Variants in CAMSAP2 observed in about 807,000 individuals in gnomAD.
CAMSAP2 encodes calmodulin-regulated spectrin-associated protein 2.
A neutral mutation model predicts 146.1 loss-of-function variants in CAMSAP2; 26 were observed. The ratio of observed to expected loss-of-function variants is 0.18; its 90% CI spans 0.13 to 0.25. The LOEUF (loss-of-function observed/expected upper bound fraction) is 0.25, where lower values mean the gene tolerates loss of function less well. CAMSAP2 is among the 10% of genes least tolerant of loss of function. CAMSAP2 has a pLI of 1.00. For synonymous variants in CAMSAP2, 499 were observed against 596.6 expected (o/e 0.84, Z 2.38); for missense variants, 1,381 against 1,759.3 (o/e 0.78, Z 3.85).
At chr1:200,829,108 T>A (rs1460157385) in intron 4 of CAMSAP2, among the ~76,000 whole-genome samples, 1 of 152,162 alleles carries the variant, frequency 6.6e-6, no homozygotes, top group Non-Finnish European at 1.5e-5. Flanking sequence ...TGAGCCGAGA[T>A]CGCGCCATTG....
chr1:200,749,119 G>T (rs1324768284), intron 1 of CAMSAP2, among the ~76,000 whole-genome samples: 1 of 152,158 alleles, frequency 6.6e-6, no homozygotes, highest in East Asian at 1.9e-4. Flanking sequence ...AGGGAGGAAG[G>T]ACCACACTCC....
chr1:200,850,140 A>G lies in CAMSAP2; in HGVS notation c.3371A>G (p.Glu1124Gly), dbSNP rs1365113425. 1.2e-6 allele frequency: 2 copies of G among 1,613,760 alleles called. No homozygotes were observed. Among genetic ancestry groups the G allele is most frequent in the Non-Finnish European group, 1.7e-6 (2 of 1,179,900 alleles). The change falls in exon 11 of 17, where the codon GAA (glutamate) becomes GGA (glycine). Residue 1124 changes from glutamate (E) to glycine (G), a missense_variant. Coordinates refer to ENST00000358823, the MANE Select transcript of CAMSAP2 (RefSeq NM_203459.4). ...EVSLSDLKPP[E>G]KADVPVEKYD... ...TCCCTCTCAGATTTGAAACCCCCTG[A>G]AAAGGCTGATGTACCTGTTGAAAAA...
At chr1:200,773,477 G>A (rs570699993) in intron 2 of CAMSAP2, among the ~76,000 whole-genome samples, 1 of 152,106 alleles carries the variant, frequency 6.6e-6, no homozygotes, top group East Asian at 1.9e-4. Context: ...GGCTGGTCTC[G>A]AACTCCTGAC....
At position 200,786,391 on chromosome 1, in the gene CAMSAP2, T is replaced by C. The variant is rs370261415; in HGVS notation, c.400-20985T>C. Among the ~76,000 whole-genome samples, 5 of 152,138 alleles carry C rather than the reference T, an allele frequency of 3.3e-5. 1 individual carries two copies. In the East Asian group the frequency reaches 7.7e-4, roughly 23 times the overall value. On this transcript the variant is annotated intron_variant, in intron 2 of 16. Coordinates refer to ENST00000358823, the MANE Select transcript of CAMSAP2 (RefSeq NM_203459.4). ...AAGCCATAAATTGCTTTCTTTTTTT[T>C]TTTTTTCTTTGAGATGGAGTCTTGC...
At position 200,860,554 on chromosome 1, in the gene CAMSAP2, A is replaced by AGT. The variant is rs1558215583; in HGVS notation, c.*2498_*2499dup. On this transcript the variant is annotated 3_prime_UTR_variant, in exon 17 of 17. Transcript: ENST00000358823. Reference sequence around the variant, plus strand: ...TCATGGACACTGTTGAGCAATGTACAGTGTATGGTGTGCTTACCTGTCCAC... The same window carrying AGT: ...TCATGGACACTGTTGAGCAATGTACAGTGTGTATGGTGTGCTTACCTGTCCAC... 1 of 152,448 alleles carries AGT rather than the reference A, an allele frequency of 6.6e-6. No individual in the cohort carries two copies. The highest frequency in any genetic ancestry group is 1.9e-4 in the East Asian group (1 of 5,326). 9.4% of individuals were successfully genotyped at this position (152,448 alleles called of 1,614,324 possible).
chr1:200,807,333 A>G, intron 2 of CAMSAP2, 43 bp from the exon 3 acceptor site: 1 of 1,386,846 alleles, frequency 7.2e-7, no homozygotes, highest in Admixed American at 2.6e-5. Flanking sequence ...AGCAATTTCT[A>G]AATATAATTT....
intron 3 of CAMSAP2, among the ~76,000 whole-genome samples, chr1:200,814,953 A>G (rs1342249770): frequency 6.6e-6 from 1 of 151,842 alleles, no homozygotes; most frequent in Non-Finnish European, 1.5e-5. Context: ...TAATTTATGC[A>G]CCATGTAGAC....
chr1:200,779,389 A>G (rs142267785), intron 2 of CAMSAP2, among the ~76,000 whole-genome samples: 3 of 152,260 alleles, frequency 2.0e-5, no homozygotes, highest in African/African-American at 4.8e-5. Context: ...GAGAGAAAGG[A>G]ATTGGAGTGG....
intron 4 of CAMSAP2, among the ~76,000 whole-genome samples, chr1:200,818,164 A>G (rs1011467073): frequency 6.6e-6 from 1 of 152,232 alleles, no homozygotes; most frequent in Non-Finnish European, 1.5e-5. Context: ...TGTATTATAT[A>G]TAATGGTTAA....
chr1:200,825,289 A>G (rs889566842), intron 4 of CAMSAP2, among the ~76,000 whole-genome samples: 1 of 152,124 alleles, frequency 6.6e-6, no homozygotes, highest in Non-Finnish European at 1.5e-5. Context: ...AGAAGTATCA[A>G]TCCCTCCCCT....
chr1:200,797,514 G>C, intron 2 of CAMSAP2, among the ~76,000 whole-genome samples: 1 of 114,350 alleles, frequency 8.7e-6, no homozygotes, highest in Admixed American at 9.9e-5. Flanking sequence ...TTTTTGATGG[G>C]GTTGTTTGTT....
rs539621728 is a variant in CAMSAP2, at chr1:200,827,768, A to G, written c.646-4432A>G. 1.6e-4 allele frequency among the ~76,000 whole-genome samples: 25 copies of G among 152,288 alleles called. No individual in the cohort carries two copies. The South Asian group carries it at 2.1e-3, about 13-fold the overall frequency. On this transcript the variant is annotated intron_variant, in intron 4 of 16. Coordinates refer to ENST00000358823, the MANE Select transcript of CAMSAP2 (RefSeq NM_203459.4). Reference sequence around the variant, plus strand: ...GGATATGAATTTTAACTCAGATTCTATTTACTTTGGTTCACTTCAACAAAC... The same window carrying G: ...GGATATGAATTTTAACTCAGATTCTGTTTACTTTGGTTCACTTCAACAAAC...
At chr1:200,786,137 GTTA>G (rs1238410570) in intron 2 of CAMSAP2, among the ~76,000 whole-genome samples, 4 of 151,964 alleles carry the variant, frequency 2.6e-5, no homozygotes, top group Non-Finnish European at 4.4e-5. Context: ...CTTTCCTGGT[GTTA>G]TTAATATATA....
chr1:200,759,741 G>C (rs1363065827), intron 1 of CAMSAP2, among the ~76,000 whole-genome samples: 2 of 152,180 alleles, frequency 1.3e-5, no homozygotes, highest in African/African-American at 2.4e-5. Context: ...TCTCAGGACA[G>C]AGCTATCAGG....
intron 6 of CAMSAP2, among the ~76,000 whole-genome samples, chr1:200,834,971 G>A (rs547014930): frequency 6.6e-6 from 1 of 152,186 alleles, no homozygotes; most frequent in South Asian, 2.1e-4. Context: ...TTAAAAAAGA[G>A]TGTTTAAAAT....
intron 2 of CAMSAP2, among the ~76,000 whole-genome samples, chr1:200,772,773 CTATT>C (rs768319777): frequency 1.3e-5 from 2 of 152,068 alleles, no homozygotes; most frequent in South Asian, 4.1e-4. Context: ...CCAATAGCAT[CTATT>C]TGTTTGAAAA....
At chr1:200,803,546 A>G (rs1245467704) in intron 2 of CAMSAP2, among the ~76,000 whole-genome samples, 1 of 152,116 alleles carries the variant, frequency 6.6e-6, no homozygotes, top group Non-Finnish European at 1.5e-5. Context: ...GATCTTTTCT[A>G]AATCCATTGT....
intron 2 of CAMSAP2, among the ~76,000 whole-genome samples, chr1:200,787,743 AT>A (rs1415277018): frequency 1.3e-5 from 2 of 152,162 alleles, no homozygotes; most frequent in Non-Finnish European, 2.9e-5. Flanking sequence ...TTATAGAGAA[AT>A]TTTTGGTGAA....
At chr1:200,844,060 G>A (rs1234328360) in intron 7 of CAMSAP2, among the ~76,000 whole-genome samples, 3 of 151,468 alleles carry the variant, frequency 2.0e-5, no homozygotes, top group Non-Finnish European at 2.9e-5. Context: ...TTTAGTAGAG[G>A]TGGGGTTTCA....
Sources: gnomAD v4.1 joint callset for allele counts (sites outside exome capture counted in the v4.1 genomes callset) on GRCh38, gnomAD v4.1.1 for gene constraint, MANE v1.5 for transcripts, NCBI Gene and HGNC (gene_info 2026-07-23, HGNC 2026-07-21) for gene names.